The following ZNF83 variants were observed in gnomAD, a reference collection of about 807,000 sequenced individuals.
ZNF83 encodes the protein zinc finger protein 83.
For synonymous variants in ZNF83, 209 were observed against 213.0 expected (o/e 0.98, Z 0.17); for missense variants, 552 against 629.9 (o/e 0.88, Z 1.32).
At chr19:52,673,039 T>C (rs1245161008) in intron 1 of ZNF83, among the ~76,000 whole-genome samples, 1 of 151,784 alleles carries the variant, frequency 6.6e-6, no homozygotes, top group Admixed American at 6.6e-5. Context: ...CTCAAACCTA[T>C]AAGCCCTGTC....
Position 52,679,306 on chromosome 19 carries a change from G to A in ZNF83, c.-283+11137C>T, listed in dbSNP as rs147838741. 3.1e-3 allele frequency among the ~76,000 whole-genome samples: 476 copies of A among 152,146 alleles called. 3 individuals carry two copies. The highest frequency in any genetic ancestry group is 0.011 in the African/African-American group (453 of 41,498). The stretch of plus-strand genomic sequence containing the variant: ...CAGTGCCACTGAGAGAAGCTTCTAT[G>A]ATGCTCCTCAAAAACCAGAATGGCT... On this transcript the variant is annotated intron_variant, in intron 1 of 5. Transcript: ENST00000594682.
intron 1 of ZNF83, among the ~76,000 whole-genome samples, chr19:52,685,115 C>T (rs1382338108): frequency 6.6e-6 from 1 of 152,114 alleles, no homozygotes; most frequent in Admixed American, 6.6e-5. Context: ...ATTCTAGTTA[C>T]AACTGGGCAC....
In ZNF83 at chr19:52,614,204, A is replaced by T. The variant is rs773621722; in HGVS notation, c.361T>A (p.Phe121Ile). 21 of 1,614,110 alleles carry T rather than the reference A, an allele frequency of 1.3e-5. 2 individuals carry two copies. In the South Asian group the frequency reaches 2.3e-4, roughly 18 times the overall value. ...ATCTTGCCACATATATCACATTTAAATTGCGTCTCTTTAGTATGGATTATT... is the reference window on the plus strand; with the variant it reads ...ATCTTGCCACATATATCACATTTAATTTGCGTCTCTTTAGTATGGATTATT... The change falls in exon 3 of 3, where the codon TTT (phenylalanine) becomes ATT (isoleucine). Residue 121 changes from phenylalanine (F) to isoleucine (I), a missense_variant. By Grantham distance (21) the Phe-to-Ile change is conservative (BLOSUM62 0). Transcript: ENST00000301096.
At chr19:52,652,866 G>C in intron 3 of ZNF83, 1 of 1,007,450 alleles carries the variant, frequency 9.9e-7, no homozygotes, top group African/African-American at 1.6e-5. Flanking sequence ...ACATATGACT[G>C]AAGGTCTTGC....
At chr19:52,642,318 G>A (rs2061319022), upstream of ZNF83, among the ~76,000 whole-genome samples, 2 of 132,942 alleles carry the variant, frequency 1.5e-5, no homozygotes, top group Non-Finnish European at 3.1e-5. Context: ...GCCCAAGCTG[G>A]AGTGCAGTGG....
chr19:52,645,834 A>G (rs1405580921), intron 3 of ZNF83, among the ~76,000 whole-genome samples: 6 of 151,636 alleles, frequency 4.0e-5, no homozygotes, highest in African/African-American at 1.5e-4. Context: ...AAGAAAGAAA[A>G]ATAGAAAAAT....
intron 1 of ZNF83, among the ~76,000 whole-genome samples, chr19:52,684,108 C>T (rs897778919): frequency 5.9e-5 from 9 of 152,070 alleles, no homozygotes; most frequent in African/African-American, 2.2e-4. Flanking sequence ...AGGGCTCATG[C>T]CTGTAATCCT....
chr19:52,687,899 G>A (rs999303191), intron 1 of ZNF83, among the ~76,000 whole-genome samples: 2 of 151,234 alleles, frequency 1.3e-5, no homozygotes, highest in African/African-American at 4.9e-5. Flanking sequence ...ACTGCCCCAC[G>A]TCCTACCCCA....
chr19:52,634,941 T>C, intron 2 of ZNF83, 125 bp downstream of exon 2: 2 of 750,832 alleles, frequency 2.7e-6, no homozygotes, highest in Admixed American at 2.0e-5. Context: ...AGGGAAGGCA[T>C]GGGTGAGTGT....
rs2061995796 is a variant in ZNF83 at position 52,685,298 on chromosome 19, A to G, written c.-283+5145T>C. Reference sequence around the variant, plus strand: ...ATTTTCACCGAGTTACCCTGAGAAGATCTGAGATGAGTGAGAAGGTGTGTC... The same window carrying G: ...ATTTTCACCGAGTTACCCTGAGAAGGTCTGAGATGAGTGAGAAGGTGTGTC... On this transcript the variant is annotated intron_variant, in intron 1 of 5. Transcript: ENST00000594682. 3.9e-5 allele frequency among the ~76,000 whole-genome samples: 6 copies of G among 152,206 alleles called. No individual in the cohort carries two copies. In the South Asian group the frequency reaches 1.0e-3, roughly 26 times the overall value.
intron 1 of ZNF83, among the ~76,000 whole-genome samples, chr19:52,663,791 A>G (rs560196833): frequency 2.2e-4 from 33 of 152,260 alleles, no homozygotes; most frequent in African/African-American, 8.0e-4. Context: ...ATGTGAGGTC[A>G]AAGAAGAAAA....
chr19:52,614,261 A>G (rs2060226515), exon 3 of ZNF83: 2 of 1,614,152 alleles, frequency 1.2e-6, no homozygotes, highest in South Asian at 2.2e-5. Flanking sequence ...CCTTGATGAA[A>G]GGCCTTGCCA....
At chr19:52,650,769 G>T (rs1401384294) in intron 3 of ZNF83, 1 of 152,202 alleles carries the variant, frequency 6.6e-6, no homozygotes, top group Non-Finnish European at 1.5e-5. Context: ...GGACAAACTT[G>T]TTAGGAAGTG....
Position 52,613,134 on chromosome 19 carries a change from C to T in ZNF83, c.1431G>A (p.Ala477=), listed in dbSNP as rs371525133. ...TGAAATGTTTCTCTCCAGTGTGGAT[C>T]GCATGATGATTAGTGAGGCTTGAAC... The change falls in exon 3 of 3, where the codon GCG becomes GCA. Residue 477 remains alanine, a synonymous_variant. Transcript: ENST00000301096. 2.7e-5 allele frequency: 44 copies of T among 1,612,206 alleles called. No homozygotes were observed. In the African/African-American group the frequency reaches 3.7e-4, roughly 14 times the overall value.
At chr19:52,686,832 C>CA (rs1294468284) in intron 1 of ZNF83, among the ~76,000 whole-genome samples, 1 of 152,048 alleles carries the variant, frequency 6.6e-6, no homozygotes, top group East Asian at 1.9e-4. Flanking sequence ...CTCGGTCTCC[C>CA]AAAGTGCTGG....
intron 1 of ZNF83, among the ~76,000 whole-genome samples, chr19:52,681,280 CAAAAAA>C (rs56916405): frequency 0.037 from 2,805 of 75,468 alleles, 102 homozygotes; most frequent in African/African-American, 0.11. Flanking sequence ...GAGACTTTCT[CAAAAAA>C]AAAAAAAAAA....
chr19:52,648,876 C>T (rs1374021442), intron 3 of ZNF83, among the ~76,000 whole-genome samples: 2 of 152,190 alleles, frequency 1.3e-5, no homozygotes, highest in Non-Finnish European at 2.9e-5. Context: ...GTTCTAGTCA[C>T]ACACCAGAAG....
intron 1 of ZNF83, among the ~76,000 whole-genome samples, chr19:52,681,547 C>T (rs944243273): frequency 5.9e-5 from 9 of 152,132 alleles, no homozygotes; most frequent in Non-Finnish European, 1.0e-4. Context: ...TGTCTTAAGC[C>T]ATAAAATAAC....
chr19:52,687,465 AATTTATATATC>A lies in ZNF83; in HGVS notation c.-283+2967_-283+2977del, dbSNP rs1332212786. Among the ~76,000 whole-genome samples the A allele has an allele frequency of 6.5e-3, 584 of 90,004 alleles. 229 individuals carry two copies. Among genetic ancestry groups the A allele is most frequent in the African/African-American group, 0.026 (543 of 20,784 alleles). The allele number at this position is 90,004 out of a possible 152,430, so 59.0% of individuals were successfully genotyped here. A position where few individuals can be genotyped will look rare whatever the true frequency, so the allele number is the denominator to read the frequency against. On this transcript the variant is annotated intron_variant, in intron 1 of 5. Transcript: ENST00000594682. ...CTATATAAATTATAATATAAATTAT[AATTTATATATC>A]TATATAAATTATAATTTATATAGAT... is the stretch of plus-strand genomic sequence containing the variant.
Sources: allele counts gnomAD v4.1 joint callset (sites outside exome capture counted in the v4.1 genomes callset), GRCh38; gene constraint gnomAD v4.1.1; transcripts MANE v1.5; gene names NCBI Gene and HGNC (gene_info 2026-07-23, HGNC 2026-07-21).